AOX1: variants seen among roughly 807,000 people sequenced by gnomAD.
The protein encoded by AOX1 is aldehyde oxidase 1, also known as aldehyde oxidase.
AOX1 carries 153 observed loss-of-function variants against 169.5 expected under a neutral mutation model. The ratio of observed to expected loss-of-function variants is 0.90; its 90% confidence interval spans 0.79 to 1.03. AOX1 has a LOEUF of 1.03. Among genes scored for constraint, AOX1 ranks in the 50% least tolerant of loss-of-function variants. AOX1 has a pLI of 0.00. For synonymous variants in AOX1, 562 were observed against 581.9 expected, an observed-to-expected ratio of 0.97 and a Z score of 0.49; for missense variants, 1,656 against 1,663.9, an observed-to-expected ratio of 1.00 and a Z score of 0.08.
At position 200,597,431 on chromosome 2, in the gene AOX1, T is replaced by A; in HGVS notation, c.235T>A (p.Cys79Ser). Reference protein sequence around the residue: ...HPANACLIPICSLYGAAVTTV... With the variant: ...HPANACLIPISSLYGAAVTTV... The stretch of plus-strand genomic sequence containing the variant: ...AGCCAATGCCTGTCTGATTCCCATC[T>A]GTTCTCTGTATGGTGCTGCCGTCAC... The change falls in exon 4 of 35, where the codon TGT (cysteine) becomes AGT (serine). Residue 79 changes from cysteine (C) to serine (S), a missense_variant. Physicochemically the swap from Cys to Ser is moderately radical, Grantham distance 112. Transcript: ENST00000374700. 1 of 1,611,062 alleles carries A rather than the reference T, an allele frequency of 6.2e-7. No individual in the cohort carries two copies. Among genetic ancestry groups the A allele is most frequent in the Non-Finnish European group, 8.5e-7 (1 of 1,178,624 alleles).
At chr2:200,631,902 T>G (rs746200579) in intron 20 of AOX1, among the ~76,000 whole-genome samples, 101 of 152,294 alleles carry the variant, frequency 6.6e-4, no homozygotes, top group Non-Finnish European at 1.3e-3. Context: ...GAAGTTAAGA[T>G]CTGAGCTTGT....
In AOX1 at chr2:200,670,776, T is replaced by C; in HGVS notation, c.*97T>C. 1 of 970,612 alleles carries C rather than the reference T, an allele frequency of 1.0e-6. No individual in the cohort carries two copies. The allele number at this position is 970,612 out of a possible 1,614,324, so 60.1% of individuals were successfully genotyped here. A position where few individuals can be genotyped will look rare whatever the true frequency, so the allele number is the denominator to read the frequency against. On this transcript the variant is annotated 3_prime_UTR_variant, in exon 35 of 35. Transcript: ENST00000374700. ...AAGATGCTAGATCTGAAAGACAGAGTTTCCACAGTTCAGAAATCATCCCAC... is the reference window on the plus strand; with the variant it reads ...AAGATGCTAGATCTGAAAGACAGAGCTTCCACAGTTCAGAAATCATCCCAC...
intron 10 of AOX1, among the ~76,000 whole-genome samples, chr2:200,606,549 T>C (rs1031527880): frequency 1.5e-4 from 23 of 152,236 alleles, no homozygotes; most frequent in African/African-American, 4.3e-4. Flanking sequence ...GGGGATAGCA[T>C]TGAATCTGTA....
intron 9 of AOX1, among the ~76,000 whole-genome samples, chr2:200,605,047 G>A (rs955831943): frequency 6.6e-6 from 1 of 152,158 alleles, no homozygotes; most frequent in Non-Finnish European, 1.5e-5. Flanking sequence ...GCCTCTTATT[G>A]GAGCAGTGTC....
At chr2:200,675,179 T>A (rs528564902), downstream of AOX1, among the ~76,000 whole-genome samples, 160 of 152,266 alleles carry the variant, frequency 1.1e-3, no homozygotes, top group Middle Eastern at 3.4e-3. Context: ...TGCTTGAAAA[T>A]GAGCACTCTG....
In AOX1 at chr2:200,602,941, G is replaced by A. The variant is rs1259451718; in HGVS notation, c.499-326G>A. Among the ~76,000 whole-genome samples, 3 of 152,026 alleles carry A rather than the reference G, an allele frequency of 2.0e-5. No individual in the cohort carries two copies. In the South Asian group the frequency reaches 6.2e-4, roughly 32 times the overall value. ...AACAGTGATGACAATAACAATACCT[G>A]TTAATATTTATTATTAATATTTAAA... On this transcript the variant is annotated intron_variant, in intron 6 of 34. Coordinates refer to ENST00000374700, the MANE Select transcript of AOX1 (RefSeq NM_001159.4).
chr2:200,673,409 C>A (rs2036054080), downstream of AOX1, among the ~76,000 whole-genome samples: 1 of 152,212 alleles, frequency 6.6e-6, no homozygotes, highest in Non-Finnish European at 1.5e-5. Flanking sequence ...ATCTGAGGTG[C>A]TCTGTTCTCT....
chr2:200,676,321 C>T (rs575464210), downstream of AOX1, among the ~76,000 whole-genome samples: 10 of 152,126 alleles, frequency 6.6e-5, no homozygotes, highest in Admixed American at 2.0e-4. Context: ...GGTTTAAGGC[C>T]GGGTGCAGTG....
Position 200,612,723 on chromosome 2 carries a change from T to C in AOX1, c.1378T>C (p.Cys460Arg). Residue 460 changes from cysteine to arginine, a missense_variant, in exon 14 of 35, where the codon TGC becomes CGC. Physicochemically the swap from Cys to Arg is radical, Grantham distance 180 (BLOSUM62 -3). Transcript: ENST00000374700. ...AGGGGATGGCATTATTAGAGAGTTA[T>C]GCATCTCATATGGAGGCGTTGGTCC... ...GEGDGIIREL[C>R]ISYGGVGPAT... 6.2e-7 allele frequency: 1 copy of C among 1,613,994 alleles called. No individual in the cohort carries two copies. The highest frequency in any genetic ancestry group is 2.2e-5 in the East Asian group (1 of 44,886).
At chr2:200,606,314 AAGG>A (rs2034512983) in intron 10 of AOX1, among the ~76,000 whole-genome samples, 1 of 151,960 alleles carries the variant, frequency 6.6e-6, no homozygotes, top group African/African-American at 2.4e-5. Context: ...TTTTATTTCT[AAGG>A]TCTCTGTTCT....
intron 1 of AOX1, among the ~76,000 whole-genome samples, chr2:200,590,160 T>C (rs1196451382): frequency 6.6e-6 from 1 of 152,036 alleles, no homozygotes; most frequent in Non-Finnish European, 1.5e-5. Flanking sequence ...TTCTACTCTC[T>C]CTCCTCTTAT....
At position 200,623,951 on chromosome 2, in the gene AOX1, C is replaced by G. The variant is rs2034945087; in HGVS notation, c.2092C>G (p.Gln698Glu). 1 of 1,614,002 alleles carries G rather than the reference C, an allele frequency of 6.2e-7. No individual in the cohort carries two copies. The change falls in exon 19 of 35, where the codon CAA becomes GAA. Residue 698 changes from glutamine to glutamate, a missense_variant. Physicochemically the swap from Gln to Glu is conservative, Grantham distance 29 (BLOSUM62 2). Coordinates refer to ENST00000374700, the MANE Select transcript of AOX1 (RefSeq NM_001159.4). ...RAAKRVKIVYQDLEPLILTIE... is the reference protein window; with the variant it reads ...RAAKRVKIVYEDLEPLILTIE... ...TGCTAAGCGAGTGAAGATTGTCTATCAAGACTTGGAGCCGCTGATACTAAC... is the reference window on the plus strand; with the variant it reads ...TGCTAAGCGAGTGAAGATTGTCTATGAAGACTTGGAGCCGCTGATACTAAC...
At chr2:200,618,957 C>G (rs971644828) in intron 16 of AOX1, among the ~76,000 whole-genome samples, 2 of 152,136 alleles carry the variant, frequency 1.3e-5, no homozygotes, top group African/African-American at 4.8e-5. Flanking sequence ...TGGACCAGGG[C>G]AGACTTTGAA....
intron 18 of AOX1, among the ~76,000 whole-genome samples, chr2:200,621,690 C>CTCTT (rs2034889695): frequency 6.6e-6 from 1 of 150,700 alleles, no homozygotes; most frequent in Non-Finnish European, 1.5e-5. Flanking sequence ...CTCTCTCTCT[C>CTCTT]TCTCTCAATT....
chr2:200,659,197 G>C lies in AOX1; in HGVS notation c.3204G>C (p.Ser1068=), dbSNP rs745437388. ...VVSRELRMPM[S]NVHLRGTSTE... is the part of the protein sequence containing the mutation. ...GCCGTGAATTAAGAATGCCAATGTC[G>C]AATGTCCACCTGCGTGGAACAAGCA... Residue 1068 remains serine (S), a synonymous_variant, in exon 28 of 35, where the codon TCG becomes TCC. Coordinates refer to ENST00000374700, the MANE Select transcript of AOX1 (RefSeq NM_001159.4). 6.2e-7 allele frequency: 1 copy of C among 1,613,688 alleles called. No individual in the cohort carries two copies. The highest frequency in any genetic ancestry group is 1.3e-5 in the African/African-American group (1 of 74,898).
intron 1 of AOX1, among the ~76,000 whole-genome samples, chr2:200,590,812 C>A (rs1481446788): frequency 6.6e-5 from 10 of 152,164 alleles, no homozygotes; most frequent in Non-Finnish European, 1.5e-4. Context: ...TATCTAGGAA[C>A]AGACATTGTG....
chr2:200,678,622 C>A (rs2036128974), downstream of AOX1: 1 of 152,038 alleles, frequency 6.6e-6, no homozygotes, highest in South Asian at 2.1e-4. Context: ...TAATCAATTC[C>A]TCTGTGGAGG....
intron 31 of AOX1, 90 bp from the exon 32 acceptor site, chr2:200,666,597 C>T (rs2035927777): frequency 3.7e-6 from 3 of 817,958 alleles, no homozygotes; most frequent in South Asian, 2.6e-5. Flanking sequence ...GGCTTTATAC[C>T]AAAGTCAGCC....
intron 22 of AOX1, among the ~76,000 whole-genome samples, chr2:200,637,619 A>G (rs1198533728): frequency 1.3e-5 from 2 of 152,082 alleles, no homozygotes; most frequent in Non-Finnish European, 2.9e-5. Context: ...ATATGTGTAT[A>G]TATGTATATG....
Sources: gnomAD v4.1 joint callset for allele counts (sites outside exome capture counted in the v4.1 genomes callset) on GRCh38, gnomAD v4.1.1 for gene constraint, MANE v1.5 for transcripts, NCBI Gene and HGNC (gene_info 2026-07-23, HGNC 2026-07-21) for gene names.